The following FBXL13 variants were observed in gnomAD, a reference collection of about 807,000 sequenced individuals.
FBXL13 encodes F-box and leucine-rich repeat protein 13.
Under a neutral mutation model 83.6 loss-of-function variants are expected in FBXL13, and 67 were observed. The observed-to-expected ratio is 0.80, with a 90% CI of 0.66 to 0.98. FBXL13 has a LOEUF of 0.98. Ranked by LOEUF, FBXL13 falls within the 50% of genes least tolerant of loss-of-function variation. FBXL13 has a pLI of 0.00. For synonymous variants in FBXL13, 272 were observed against 299.5 expected (o/e 0.91, Z 0.95); for missense variants, 822 against 866.5 (o/e 0.95, Z 0.64).
intron 16 of FBXL13, among the ~76,000 whole-genome samples, chr7:102,855,664 C>T (rs554419234): frequency 6.6e-6 from 1 of 151,338 alleles, no homozygotes; most frequent in African/African-American, 2.4e-5. Context: ...CACCCCTCAC[C>T]TGCCGCCATT....
intron 16 of FBXL13, among the ~76,000 whole-genome samples, chr7:102,871,244 T>C (rs1808489842): frequency 6.6e-6 from 1 of 152,136 alleles, no homozygotes; most frequent in African/African-American, 2.4e-5. Flanking sequence ...CCCAATCCTT[T>C]GGCCTGAATA....
chr7:102,887,792 G>A (rs1810994095), intron 11 of FBXL13, among the ~76,000 whole-genome samples: 1 of 152,174 alleles, frequency 6.6e-6, no homozygotes, highest in African/African-American at 2.4e-5. Flanking sequence ...TTACACTGGT[G>A]TTTGACCAAA....
intron 6 of FBXL13, chr7:102,973,561 C>T (rs371287689): frequency 3.9e-6 from 3 of 765,196 alleles, no homozygotes; most frequent in Non-Finnish European, 4.8e-6. Context: ...TCCACACTGC[C>T]TCGTGTTGTC....
chr7:102,912,988 T>A (rs945219269), intron 11 of FBXL13, 98 bp downstream of exon 12: 1 of 1,487,780 alleles, frequency 6.7e-7, no homozygotes, highest in Non-Finnish European at 9.1e-7. Flanking sequence ...TGTGCTGCGG[T>A]CCGTGCACAG....
chr7:102,941,338 C>A (rs1037147688), intron 8 of FBXL13, among the ~76,000 whole-genome samples: 1 of 152,132 alleles, frequency 6.6e-6, no homozygotes, highest in Non-Finnish European at 1.5e-5. Flanking sequence ...GAAGTGGAGA[C>A]CCTTTCTTGC....
At chr7:102,925,920 G>A (rs542175347) in intron 10 of FBXL13, among the ~76,000 whole-genome samples, 76 of 140,056 alleles carry the variant, frequency 5.4e-4, no homozygotes, top group Non-Finnish European at 8.8e-4. Context: ...CAGCCTGGGC[G>A]ACAGAGCAAG....
At chr7:102,901,296 T>C (rs1563064771) in intron 11 of FBXL13, among the ~76,000 whole-genome samples, 1 of 152,198 alleles carries the variant, frequency 6.6e-6, no homozygotes, top group Non-Finnish European at 1.5e-5. Flanking sequence ...ACATAGTAGG[T>C]GTATATATTT....
chr7:103,020,679 T>C (rs899549229), intron 6 of FBXL13, among the ~76,000 whole-genome samples: 1 of 152,172 alleles, frequency 6.6e-6, no homozygotes, highest in Non-Finnish European at 1.5e-5. Flanking sequence ...AGCATTCCTA[T>C]ACACAAATAA....
intron 6 of FBXL13, among the ~76,000 whole-genome samples, chr7:103,016,505 C>T (rs996004120): frequency 1.3e-5 from 2 of 151,796 alleles, no homozygotes; most frequent in Admixed American, 6.6e-5. Flanking sequence ...GCCCACCGAG[C>T]GAGAGCCGAA....
chr7:102,832,842 T>TGC lies in FBXL13; in HGVS notation c.1851_1852insGC (p.Lys618AlafsTer39). The TGC allele has an allele frequency of 6.2e-7, 1 of 1,614,174 alleles. No homozygotes were observed. The highest frequency in any genetic ancestry group is 8.5e-7 in the Non-Finnish European group (1 of 1,180,010). On this transcript the variant is annotated frameshift_variant, in exon 18 of 20. Transcript: ENST00000313221. LOFTEE classifies it high-confidence loss of function. The stretch of plus-strand genomic sequence containing the variant: ...TGAGCCCTGACTCCTGCACATACCT[T>TGC]TGGACAGCCAGCAATGCTGAGAGAT...
intron 5 of FBXL13, 95 bp downstream of exon 6, chr7:103,027,354 T>G: frequency 2.7e-6 from 2 of 733,854 alleles, no homozygotes; most frequent in East Asian, 2.6e-5. Context: ...ATATTCAGGA[T>G]TTTAGTATTT....
Position 102,934,512 on chromosome 7 carries a change from A to G in FBXL13, c.725-2579T>C, listed in dbSNP as rs764309009. On this transcript the variant is annotated intron_variant, in intron 8 of 19. Coordinates refer to ENST00000313221, the Ensembl canonical transcript of FBXL13. ...TGTGAAAGTCCACAAGAACAAAAAA[A>G]TAAAAAACTGCGGCAGATAAAATCT... 1.6e-5 allele frequency: 26 copies of G among 1,612,598 alleles called. No homozygotes were observed. Among genetic ancestry groups the G allele is most frequent in the Non-Finnish European group, 2.1e-5 (25 of 1,179,774 alleles).
chr7:103,063,649 G>C (rs974779125), intron 1 of FBXL13, among the ~76,000 whole-genome samples: 6 of 149,788 alleles, frequency 4.0e-5, no homozygotes, highest in Non-Finnish European at 8.9e-5. Context: ...CTGAAGCAGA[G>C]AGATTTGGAA....
rs141531116 is a variant in FBXL13 at position 102,987,042 on chromosome 7, T to C, written c.496-18925A>G. Among the ~76,000 whole-genome samples the C allele has an allele frequency of 4.8e-3, 729 of 152,074 alleles. 6 individuals are homozygous for C. Among genetic ancestry groups the C allele is most frequent in the African/African-American group, 0.017 (689 of 41,454 alleles). On this transcript the variant is annotated intron_variant, in intron 6 of 19. Transcript: ENST00000313221. ...CTGGAGGCCATTATTCTAAGTGAAA[T>C]AACTCAGGAAGGGAAAACCAAATAC...
chr7:102,990,331 A>T (rs1048496433), intron 6 of FBXL13, among the ~76,000 whole-genome samples: 3 of 152,210 alleles, frequency 2.0e-5, no homozygotes, highest in Non-Finnish European at 2.9e-5. Flanking sequence ...ATGTCATGCC[A>T]CAGAAGCCCA....
At chr7:102,934,738 G>A in intron 8 of FBXL13, 2 of 1,441,768 alleles carry the variant, frequency 1.4e-6, no homozygotes, top group South Asian at 2.7e-5. Context: ...AATGCTCTTT[G>A]AATCTTATAA....
chr7:103,047,511 T>G (rs1390221621), intron 2 of FBXL13, among the ~76,000 whole-genome samples: 2 of 152,214 alleles, frequency 1.3e-5, no homozygotes, highest in Non-Finnish European at 1.5e-5. Context: ...TCGGCTGGTT[T>G]AACATGAAAA....
chr7:103,001,234 T>TA (rs1790373765), intron 6 of FBXL13, among the ~76,000 whole-genome samples: 2 of 152,288 alleles, frequency 1.3e-5, no homozygotes, highest in South Asian at 4.1e-4. Context: ...GTGCTAGGGT[T>TA]ACTGGCTTGA....
At chr7:102,922,965 G>A (rs530614600) in intron 10 of FBXL13, among the ~76,000 whole-genome samples, 1 of 152,156 alleles carries the variant, frequency 6.6e-6, no homozygotes, top group East Asian at 1.9e-4. Flanking sequence ...GCGACAGAGC[G>A]AGACTCCGTC....
Sources: allele counts gnomAD v4.1 joint callset (sites outside exome capture counted in the v4.1 genomes callset), GRCh38; gene constraint gnomAD v4.1.1; transcripts MANE v1.5; gene names NCBI Gene and HGNC (gene_info 2026-07-23, HGNC 2026-07-21).